The following DTWD2 variants were observed in gnomAD, a reference collection of about 807,000 sequenced individuals.
The protein encoded by DTWD2 is DTW motif tRNA-uridine aminocarboxypropyltransferase 2.
Under a neutral mutation model 31.8 loss-of-function variants are expected in DTWD2, and 39 were observed. The ratio of observed to expected loss-of-function variants is 1.22; its 90% CI spans 0.95 to 1.60. The LOEUF (loss-of-function observed/expected upper bound fraction) is 1.60, where lower values mean the gene tolerates loss of function less well. DTWD2 is among the 40% of genes most tolerant of loss of function. The pLI, the probability that DTWD2 is intolerant of heterozygous loss-of-function variation, is 0.00. For missense variants in DTWD2, 515 were observed against 381.5 expected (o/e 1.35, Z -2.92); for synonymous variants, 180 against 142.8 (o/e 1.26, Z -1.86).
At position 118,838,855 on chromosome 5, in the gene DTWD2, C is replaced by G. The variant is rs551023676; in HGVS notation, c.*2062G>C. ...AAATTTTGAGATACAAAATGGTATA[C>G]TGGGGGTAGGGGGAGTTTTCTTTTT... On this transcript the variant is annotated 3_prime_UTR_variant, in exon 6 of 6. Transcript: ENST00000510708. The G allele has an allele frequency of 6.6e-6, 1 of 151,890 alleles. No homozygotes were observed. The highest frequency in any genetic ancestry group is 6.6e-5 in the Admixed American group (1 of 15,254). 9.4% of individuals were successfully genotyped at this position (151,890 alleles called of 1,614,324 possible). A position where few individuals can be genotyped will look rare whatever the true frequency, so the allele number is the denominator to read the frequency against.
At chr5:118,926,188 T>G (rs1357944664) in intron 4 of DTWD2, among the ~76,000 whole-genome samples, 1 of 152,112 alleles carries the variant, frequency 6.6e-6, no homozygotes, top group Non-Finnish European at 1.5e-5. Flanking sequence ...GAAAATGTAG[T>G]ATATATATAC....
chr5:118,966,220 G>A (rs79979980), intron 1 of DTWD2, among the ~76,000 whole-genome samples: 10,924 of 152,178 alleles, frequency 0.072, 521 homozygotes, highest in Non-Finnish European at 0.11. Context: ...GGATTTGGCC[G>A]TTTATCATTC....
chr5:118,837,913 T>A lies in DTWD2; in HGVS notation c.*3004A>T, dbSNP rs2112659949. 6.6e-6 allele frequency: 1 copy of A among 152,298 alleles called. No homozygotes were observed. The highest frequency in any genetic ancestry group is 2.4e-5 in the African/African-American group (1 of 41,572). The allele number at this position is 152,298 out of a possible 1,614,324, so 9.4% of individuals were successfully genotyped here. Reference sequence around the variant, plus strand: ...CAAACTGGGTGACAGAAGGAGGCCCTGTCTCTAAAATACATAAATAAATAA... The same window carrying A: ...CAAACTGGGTGACAGAAGGAGGCCCAGTCTCTAAAATACATAAATAAATAA... On this transcript the variant is annotated 3_prime_UTR_variant, in exon 6 of 6. Coordinates refer to ENST00000510708, the MANE Select transcript of DTWD2 (RefSeq NM_173666.4).
chr5:118,938,845 G>GAAAAA (rs1173603042), intron 3 of DTWD2, among the ~76,000 whole-genome samples: 2 of 82,628 alleles, frequency 2.4e-5, no homozygotes, highest in East Asian at 4.0e-4. Flanking sequence ...AGATATTTAA[G>GAAAAA]AAAAAAAAAA....
intron 4 of DTWD2, among the ~76,000 whole-genome samples, chr5:118,895,851 T>G (rs904424913): frequency 6.6e-6 from 1 of 152,120 alleles, no homozygotes; most frequent in African/African-American, 2.4e-5. Context: ...TATTTTTCAC[T>G]ATACTACCAA....
Position 118,836,235 on chromosome 5 carries a change from T to A in DTWD2, c.*4682A>T, listed in dbSNP as rs558550528. On this transcript the variant is annotated 3_prime_UTR_variant, in exon 6 of 6. Coordinates refer to ENST00000510708, the MANE Select transcript of DTWD2 (RefSeq NM_173666.4). ...CGTTGTTAGTTCAAGTGAATCTTAT[T>A]TTTATTTATTTATTTATTTATTTGA... is the stretch of plus-strand genomic sequence containing the variant. Among the ~76,000 whole-genome samples the A allele has an allele frequency of 6.6e-5, 10 of 152,216 alleles. No homozygotes were observed. In the East Asian group the frequency reaches 1.7e-3, roughly 26 times the overall value.
intron 1 of DTWD2, among the ~76,000 whole-genome samples, chr5:118,950,275 T>C (rs1754433827): frequency 6.6e-6 from 1 of 151,124 alleles, no homozygotes; most frequent in Non-Finnish European, 1.5e-5. Context: ...TGGGGAGTTT[T>C]AAGAGGTTTA....
intron 1 of DTWD2, chr5:118,974,097 A>G: frequency 1.3e-6 from 2 of 1,597,446 alleles, no homozygotes; most frequent in Non-Finnish European, 1.7e-6. Flanking sequence ...GTCGATACCA[A>G]GAAGCAGAAG....
At chr5:118,986,907 G>A (rs946218437) in intron 1 of DTWD2, among the ~76,000 whole-genome samples, 11 of 152,110 alleles carry the variant, frequency 7.2e-5, no homozygotes, top group Non-Finnish European at 1.3e-4. Context: ...TAAGCAAAGT[G>A]CAGAAATGTT....
chr5:118,860,681 GT>G (rs1307793407), intron 4 of DTWD2, among the ~76,000 whole-genome samples: 1 of 152,066 alleles, frequency 6.6e-6, no homozygotes, highest in Non-Finnish European at 1.5e-5. Context: ...AGAGCATATT[GT>G]TTAGGACTTT....
At chr5:118,850,071 G>A (rs1561425118) in intron 4 of DTWD2, among the ~76,000 whole-genome samples, 5 of 151,724 alleles carry the variant, frequency 3.3e-5, no homozygotes, top group Admixed American at 2.6e-4. Context: ...AATAAAAAAT[G>A]GGGAAAGAAC....
chr5:118,870,219 T>C (rs1454492309), intron 4 of DTWD2, among the ~76,000 whole-genome samples: 1 of 152,254 alleles, frequency 6.6e-6, no homozygotes, highest in South Asian at 2.1e-4. Flanking sequence ...ATACATTATG[T>C]ATCACAGATA....
intron 4 of DTWD2, among the ~76,000 whole-genome samples, chr5:118,901,992 T>C (rs551828855): frequency 6.6e-6 from 1 of 152,224 alleles, no homozygotes; most frequent in South Asian, 2.1e-4. Context: ...TAATAATTCA[T>C]ACTTAATTAC....
chr5:118,954,336 T>C (rs1298952819), intron 1 of DTWD2, among the ~76,000 whole-genome samples: 4 of 152,144 alleles, frequency 2.6e-5, no homozygotes, highest in African/African-American at 4.8e-5. Context: ...TATCCCCTTA[T>C]TCTGACTGAT....
At chr5:118,932,686 C>CG (rs1319392904) in intron 3 of DTWD2, among the ~76,000 whole-genome samples, 1 of 152,124 alleles carries the variant, frequency 6.6e-6, no homozygotes, top group Non-Finnish European at 1.5e-5. Context: ...ATGGCAGGGG[C>CG]ACACCTGTTC....
At chr5:118,862,748 G>A (rs937114733) in intron 4 of DTWD2, among the ~76,000 whole-genome samples, 1 of 152,146 alleles carries the variant, frequency 6.6e-6, no homozygotes, top group African/African-American at 2.4e-5. Context: ...AGTACTCAGA[G>A]AAGGTGGGGC....
At chr5:118,963,159 A>G (rs1486238548) in intron 1 of DTWD2, among the ~76,000 whole-genome samples, 1 of 152,268 alleles carries the variant, frequency 6.6e-6, no homozygotes. Flanking sequence ...AAATACGAAG[A>G]GGCTGACCCA....
At chr5:118,876,765 C>T (rs1752630264) in intron 4 of DTWD2, among the ~76,000 whole-genome samples, 1 of 152,122 alleles carries the variant, frequency 6.6e-6, no homozygotes, top group African/African-American at 2.4e-5. Context: ...AAGCCAAGGA[C>T]CAGATGGATT....
rs1270670389 is a variant in DTWD2 at position 118,944,622 on chromosome 5, T to C, written c.246A>G (p.Pro82=). 2.5e-6 allele frequency: 4 copies of C among 1,613,406 alleles called. No homozygotes were observed. The highest frequency in any genetic ancestry group is 2.5e-6 in the Non-Finnish European group (3 of 1,179,742). Reference sequence around the variant, plus strand: ...TATGCAGAGGGTGCGCTGGGAGAAATGGACACAAACACACTTTCTGAGGCC... The same window carrying C: ...TATGCAGAGGGTGCGCTGGGAGAAACGGACACAAACACACTTTCTGAGGCC... ...CSRPQKVCLC[P]FLPAHPLHIS... Residue 82 remains proline (P), a synonymous_variant, in exon 2 of 6, where the codon CCA becomes CCG. Coordinates refer to ENST00000510708, the MANE Select transcript of DTWD2 (RefSeq NM_173666.4).
Sources: gnomAD v4.1 joint callset for allele counts (sites outside exome capture counted in the v4.1 genomes callset) on GRCh38, gnomAD v4.1.1 for gene constraint, MANE v1.5 for transcripts, NCBI Gene and HGNC (gene_info 2026-07-23, HGNC 2026-07-21) for gene names.